The following NFIB variants were observed in gnomAD, a reference collection of about 807,000 sequenced individuals.
NFIB encodes nuclear factor 1 B-type.
Under a neutral mutation model 61.5 loss-of-function variants are expected in NFIB, and 11 were observed. That is an observed-to-expected ratio of 0.18 (90% confidence interval 0.11 to 0.30). The LOEUF (loss-of-function observed/expected upper bound fraction) is 0.30. Ranked by LOEUF, NFIB falls within the 10% of genes least tolerant of loss-of-function variation. The pLI, the probability that NFIB is intolerant of heterozygous loss-of-function variation, is 1.00. For synonymous variants in NFIB, 260 were observed against 216.5 expected (o/e 1.20, Z -1.76); for missense variants, 471 against 608.9 (o/e 0.77, Z 2.38).
At chr9:14,366,617 T>C (rs931424056) in intron 1 of NFIB, among the ~76,000 whole-genome samples, 2 of 151,798 alleles carry the variant, frequency 1.3e-5, no homozygotes, top group African/African-American at 4.8e-5. Flanking sequence ...TCCCGAGTAG[T>C]TGGGATAACA....
chr9:14,235,631 C>A (rs2053662319), intron 2 of NFIB, among the ~76,000 whole-genome samples: 1 of 152,194 alleles, frequency 6.6e-6, no homozygotes, highest in South Asian at 2.1e-4. Flanking sequence ...AAAAAAAGCA[C>A]TGTTGTACTG....
chr9:14,143,833 G>T (rs978209503), intron 6 of NFIB, among the ~76,000 whole-genome samples: 1 of 152,044 alleles, frequency 6.6e-6, no homozygotes, highest in African/African-American at 2.4e-5. Flanking sequence ...TTTTTAAAAA[G>T]CAATTTTCTA....
intron 2 of NFIB, among the ~76,000 whole-genome samples, chr9:14,296,527 G>A (rs1411128623): frequency 2.0e-5 from 3 of 152,252 alleles, no homozygotes; most frequent in African/African-American, 7.2e-5. Flanking sequence ...GCCTTTGGGA[G>A]ATAATTAGGT....
chr9:14,100,132 T>C (rs1019583926), intron 10 of NFIB, among the ~76,000 whole-genome samples: 1 of 152,136 alleles, frequency 6.6e-6, no homozygotes, highest in Non-Finnish European at 1.5e-5. Flanking sequence ...TTTAGGATCA[T>C]TAAGACCATT....
the NFIB span, among the ~76,000 whole-genome samples, chr9:14,508,546 T>G: frequency 3.0e-4 from 45 of 152,332 alleles, no homozygotes; most frequent in African/African-American, 1.0e-3. Flanking sequence ...GGGCGAGAAT[T>G]ATATGACATA....
At chr9:14,150,658 G>A (rs1056293940) in intron 4 of NFIB, among the ~76,000 whole-genome samples, 1 of 151,848 alleles carries the variant, frequency 6.6e-6, no homozygotes, top group Non-Finnish European at 1.5e-5. Flanking sequence ...CTAGGCTCTC[G>A]AAAACCAAAT....
intron 2 of NFIB, among the ~76,000 whole-genome samples, chr9:14,261,278 T>C (rs1587993798): frequency 6.6e-6 from 1 of 151,896 alleles, no homozygotes; most frequent in Admixed American, 6.6e-5. Flanking sequence ...GATCATACCA[T>C]TGCACTCCAG....
Position 14,355,227 on chromosome 9 carries a change from G to C in NFIB, c.108+43297C>G, listed in dbSNP as rs139535135. Among the ~76,000 whole-genome samples, 100 of 152,262 alleles carry C rather than the reference G, an allele frequency of 6.6e-4. 2 individuals are homozygous for C. In the East Asian group the frequency reaches 0.015, roughly 24 times the overall value. On this transcript the variant is annotated intron_variant, in intron 1 of 8. Transcript: ENST00000380934. Reference sequence around the variant, plus strand: ...GGGTACTTAAGTTATTATGAAGTGGGCCCTAATCCAGTATGACTGGTGGAG... The same window carrying C: ...GGGTACTTAAGTTATTATGAAGTGGCCCCTAATCCAGTATGACTGGTGGAG...
chr9:14,170,945 G>T (rs1336321710), intron 3 of NFIB, among the ~76,000 whole-genome samples: 1 of 152,084 alleles, frequency 6.6e-6, no homozygotes, highest in African/African-American at 2.4e-5. Flanking sequence ...ATTTTACTTG[G>T]ATTCTATGTT....
chr9:14,424,507 C>T, the NFIB span, among the ~76,000 whole-genome samples: 179 of 152,308 alleles, frequency 1.2e-3, 1 homozygote, highest in Non-Finnish European at 3.5e-4. Context: ...ACATTTGCCC[C>T]AGTTTACGCG....
At chr9:14,428,183 T>G in the NFIB span, among the ~76,000 whole-genome samples, 3 of 152,024 alleles carry the variant, frequency 2.0e-5, no homozygotes, top group African/African-American at 7.2e-5. Context: ...TGGGCTCAAG[T>G]AATCCTCCCA....
chr9:14,204,830 A>AG, intron 2 of NFIB: 1 of 471,516 alleles, frequency 2.1e-6, no homozygotes, highest in South Asian at 2.1e-5. Context: ...TCTAATCCAC[A>AG]GGAAGACCTG....
At chr9:14,349,373 C>A (rs940930024) in intron 1 of NFIB, among the ~76,000 whole-genome samples, 1 of 152,068 alleles carries the variant, frequency 6.6e-6, no homozygotes, top group African/African-American at 2.4e-5. Context: ...GGAGCCCGCC[C>A]GACATTAAAT....
chr9:14,222,320 C>T (rs1196008431), intron 2 of NFIB, among the ~76,000 whole-genome samples: 1 of 152,150 alleles, frequency 6.6e-6, no homozygotes, highest in Non-Finnish European at 1.5e-5. Flanking sequence ...TCTACAAGCC[C>T]TGCACCTACT....
chr9:14,257,133 T>C (rs1458911581), intron 2 of NFIB, among the ~76,000 whole-genome samples: 1 of 152,216 alleles, frequency 6.6e-6, no homozygotes, highest in Non-Finnish European at 1.5e-5. Context: ...ACCTACTAAC[T>C]GTTTAACCTT....
chr9:14,375,177 C>T (rs1045981386), intron 1 of NFIB, among the ~76,000 whole-genome samples: 2 of 152,194 alleles, frequency 1.3e-5, no homozygotes, highest in Admixed American at 6.5e-5. Context: ...GCACAGGGCT[C>T]ATATAGTGGT....
At chr9:14,292,208 G>C (rs10810126) in intron 2 of NFIB, among the ~76,000 whole-genome samples, 1 of 151,764 alleles carries the variant, frequency 6.6e-6, no homozygotes, top group Non-Finnish European at 1.5e-5. Flanking sequence ...TAAAAGTAAC[G>C]CATCCAAAGA....
At chr9:14,441,682 C>T in the NFIB span, among the ~76,000 whole-genome samples, 1 of 151,884 alleles carries the variant, frequency 6.6e-6, no homozygotes, top group East Asian at 1.9e-4. Context: ...TCAAGATGGG[C>T]TTGACCTCAG....
chr9:14,455,458 G>A, the NFIB span, among the ~76,000 whole-genome samples: 1 of 152,128 alleles, frequency 6.6e-6, no homozygotes, highest in Non-Finnish European at 1.5e-5. Flanking sequence ...ATGAACAAGT[G>A]GATTTATCAA....
Sources: allele counts gnomAD v4.1 joint callset (sites outside exome capture counted in the v4.1 genomes callset), GRCh38; gene constraint gnomAD v4.1.1; transcripts MANE v1.5; gene names NCBI Gene and HGNC (gene_info 2026-07-23, HGNC 2026-07-21).